Variants in DHCR24 observed in about 807,000 individuals in gnomAD.
The protein encoded by DHCR24 is 24-dehydrocholesterol reductase, also known as delta(24)-sterol reductase.
DHCR24 carries 28 observed loss-of-function variants against 61.2 expected under a neutral mutation model. The observed-to-expected ratio is 0.46, with a 90% CI of 0.34 to 0.63. DHCR24 has a LOEUF of 0.63. Ranked by LOEUF, DHCR24 falls within the 20% of genes least tolerant of loss-of-function variation. The probability of loss-of-function intolerance (pLI) is 0.01; values close to 1 mark genes in which losing one functional copy is unlikely to be tolerated. For missense variants in DHCR24, 538 were observed against 679.1 expected (o/e 0.79, Z 2.31); for synonymous variants, 261 against 275.9 (o/e 0.95, Z 0.54).
In DHCR24 at chr1:54,871,549, G is replaced by A; in HGVS notation, c.677C>T (p.Ala226Val). The A allele has an allele frequency of 3.1e-6, 5 of 1,614,188 alleles. No homozygotes were observed. Among genetic ancestry groups the A allele is most frequent in the Non-Finnish European group, 4.2e-6 (5 of 1,180,038 alleles). ...GGCAGGGATGATGCGGATCTCAGCG[G>A]CCACCAGGAAACCCAGCGTCCCACA... ...WSCGTLGFLV[A>V]AEIRIIPAKK... Residue 226 changes from alanine (A) to valine (V), a missense_variant, in exon 5 of 9, where the codon GCC (alanine) becomes GTC (valine). Ala to Val is a moderately conservative substitution (Grantham distance 64). Coordinates refer to ENST00000371269, the MANE Select transcript of DHCR24 (RefSeq NM_014762.4).
chr1:54,856,438 A>G (rs1646907878), intron 6 of DHCR24, among the ~76,000 whole-genome samples: 2 of 152,130 alleles, frequency 1.3e-5, no homozygotes, highest in African/African-American at 2.4e-5. Flanking sequence ...CTCTACTAAA[A>G]ACACCAAAAA....
chr1:54,886,879 C>A lies in DHCR24; in HGVS notation c.231+10G>T. The A allele has an allele frequency of 6.2e-7, 1 of 1,611,446 alleles. No homozygotes were observed. ...GGCCCTGAGTCCCGGCCGCACCCGGCGCCGCTCACCTGCTTCTGGATGTCC... is the reference window on the plus strand; with the variant it reads ...GGCCCTGAGTCCCGGCCGCACCCGGAGCCGCTCACCTGCTTCTGGATGTCC... On this transcript the variant is annotated intron_variant, in intron 1 of 8. Transcript: ENST00000371269.
chr1:54,870,506 A>G (rs1646993068), intron 5 of DHCR24, among the ~76,000 whole-genome samples: 1 of 152,252 alleles, frequency 6.6e-6, no homozygotes, highest in Admixed American at 6.5e-5. Flanking sequence ...AAAATGATTT[A>G]GTATTTGCAT....
intron 3 of DHCR24, 98 bp from the exon 4 acceptor site, chr1:54,875,309 G>T: frequency 9.8e-7 from 1 of 1,022,860 alleles, no homozygotes; most frequent in South Asian, 1.3e-5. Flanking sequence ...AGGGAGGTTT[G>T]GCAGGCTAGC....
In DHCR24 at chr1:54,868,888, G is replaced by A. The variant is rs543785947; in HGVS notation, c.876+2462C>T. On this transcript the variant is annotated intron_variant, in intron 5 of 8. Coordinates refer to ENST00000371269, the MANE Select transcript of DHCR24 (RefSeq NM_014762.4). The stretch of plus-strand genomic sequence containing the variant: ...TCAAGACCAACCTGGGCAACATGGC[G>A]AAACCCCGTCTCTACTAAAAATACC... Among the ~76,000 whole-genome samples the A allele has an allele frequency of 5.3e-5, 8 of 152,228 alleles. No homozygotes were observed. In the South Asian group the frequency reaches 8.3e-4, roughly 16 times the overall value.
intron 4 of DHCR24, among the ~76,000 whole-genome samples, chr1:54,871,916 G>T (rs1264420322): frequency 6.6e-6 from 1 of 152,188 alleles, no homozygotes; most frequent in Non-Finnish European, 1.5e-5. Context: ...GACTGGCACT[G>T]CTGCCCAACG....
At chr1:54,866,471 C>T (rs907009620) in intron 5 of DHCR24, among the ~76,000 whole-genome samples, 3 of 152,060 alleles carry the variant, frequency 2.0e-5, no homozygotes, top group African/African-American at 7.2e-5. Flanking sequence ...GCCTCAGCCT[C>T]CTGAAAAATG....
chr1:54,857,338 C>T (rs1012604456), intron 6 of DHCR24, among the ~76,000 whole-genome samples: 1 of 152,260 alleles, frequency 6.6e-6, no homozygotes, highest in Non-Finnish European at 1.5e-5. Flanking sequence ...CCAGGAACCC[C>T]AGCCCCAGCA....
intron 6 of DHCR24, among the ~76,000 whole-genome samples, chr1:54,863,212 C>T (rs1646948618): frequency 6.6e-6 from 1 of 152,046 alleles, no homozygotes; most frequent in Non-Finnish European, 1.5e-5. Flanking sequence ...CACTTCTCCT[C>T]TGCTGCTGCC....
intron 6 of DHCR24, among the ~76,000 whole-genome samples, chr1:54,861,790 T>A (rs1316562187): frequency 1.3e-5 from 2 of 152,200 alleles, no homozygotes; most frequent in Non-Finnish European, 2.9e-5. Context: ...CAGTGCTGCC[T>A]GGCAATGCCA....
At chr1:54,867,888 C>T (rs1198590560) in intron 5 of DHCR24, among the ~76,000 whole-genome samples, 1 of 152,170 alleles carries the variant, frequency 6.6e-6, no homozygotes, top group African/African-American at 2.4e-5. Context: ...CCGCAGTGTC[C>T]CACAGGGAGC....
rs541134963 is a variant in DHCR24 at position 54,870,279 on chromosome 1, A to T, written c.876+1071T>A. ...TAAATAGGTCTCGAAGAATGCACACAAAACTGTTATACGTAAGTGGTTACA... is the reference window on the plus strand; with the variant it reads ...TAAATAGGTCTCGAAGAATGCACACTAAACTGTTATACGTAAGTGGTTACA... On this transcript the variant is annotated intron_variant, in intron 5 of 8. Transcript: ENST00000371269. 7.2e-5 allele frequency among the ~76,000 whole-genome samples: 11 copies of T among 152,320 alleles called. No homozygotes were observed. In the South Asian group the frequency reaches 1.9e-3, roughly 26 times the overall value.
chr1:54,886,252 T>C (rs1647095402), intron 1 of DHCR24, among the ~76,000 whole-genome samples: 2 of 152,180 alleles, frequency 1.3e-5, no homozygotes, highest in Non-Finnish European at 1.5e-5. Context: ...ACCGACTGCC[T>C]TTGTCAAGGA....
Position 54,887,018 on chromosome 1 carries a change from G to A in DHCR24, c.102C>T (p.Phe34=), listed in dbSNP as rs144149165. The change falls in exon 1 of 9, where the codon TTC becomes TTT. Residue 34 remains phenylalanine (F), a synonymous_variant. Coordinates refer to ENST00000371269, the MANE Select transcript of DHCR24 (RefSeq NM_014762.4). The part of the protein sequence containing the change: ...EFVLIHQRWV[F]VCLFLLPLSL... ...AGAGCGGCAGGAGGAAGAGGCACAC[G>A]AACACCCAGCGCTGGTGGATGAGCA... 80 of 1,613,440 alleles carry A rather than the reference G, an allele frequency of 5.0e-5. No individual in the cohort carries two copies. In the African/African-American group the frequency reaches 6.3e-4, roughly 13 times the overall value.
chr1:54,852,944 T>C (rs942784591), intron 8 of DHCR24, among the ~76,000 whole-genome samples: 2 of 152,168 alleles, frequency 1.3e-5, no homozygotes, highest in African/African-American at 2.4e-5. Context: ...ATGAAAGGAA[T>C]CATATGGCAT....
At chr1:54,886,666 G>C in intron 1 of DHCR24, 2 of 1,509,210 alleles carry the variant, frequency 1.3e-6, no homozygotes, top group Middle Eastern at 3.4e-4. Context: ...CTCCCTCCAG[G>C]TACCCGCATA....
chr1:54,869,563 A>G (rs1399380601), intron 5 of DHCR24, among the ~76,000 whole-genome samples: 1 of 149,510 alleles, frequency 6.7e-6, no homozygotes, highest in East Asian at 2.0e-4. Context: ...TTACAGAATG[A>G]AATGAAGACA....
Position 54,883,851 on chromosome 1 carries a change from G to T in DHCR24, c.232-78C>A. 2.5e-6 allele frequency: 4 copies of T among 1,594,174 alleles called. No individual in the cohort carries two copies. In the South Asian group the frequency reaches 3.3e-5, roughly 13 times the overall value. On this transcript the variant is annotated intron_variant, in intron 1 of 8. Transcript: ENST00000371269. This position sits in a 1 kb window ranked among gnomAD's most constrained non-coding sequence, Gnocchi z 4.3. ...GCCTGCAGCCCTGCTTTCTTCAAGG[G>T]CGAGCTGGGAATGATGCCTCCATCA...
chr1:54,871,621 A>G lies in DHCR24; in HGVS notation c.613-8T>C. ...CAGGTCTGAGTTTTCGGACTGTGAG[A>G]CAGAATTGATGTGTTGTGAGCTGAA... On this transcript the variant is annotated splice_region_variant and splice_polypyrimidine_tract_variant and intron_variant, in intron 4 of 8. Transcript: ENST00000371269. 6.2e-7 allele frequency: 1 copy of G among 1,614,130 alleles called. No individual in the cohort carries two copies.
Sources: allele counts gnomAD v4.1 joint callset (sites outside exome capture counted in the v4.1 genomes callset), GRCh38; gene constraint gnomAD v4.1.1; non-coding constraint Gnocchi (gnomAD v3.1); transcripts MANE v1.5; gene names NCBI Gene and HGNC (gene_info 2026-07-23, HGNC 2026-07-21).